Variants in IL17RA observed in about 807,000 individuals in gnomAD.
IL17RA encodes interleukin 17 receptor A.
IL17RA carries 34 observed loss-of-function variants against 50.4 expected under a neutral mutation model. That is an observed-to-expected ratio of 0.67 (90% confidence interval 0.51 to 0.90). The LOEUF (loss-of-function observed/expected upper bound fraction) is 0.90. Ranked by LOEUF, IL17RA falls within the 40% of genes least tolerant of loss-of-function variation. The pLI is 0.00. For missense variants in IL17RA, 1,276 were observed against 1,169.8 expected, an observed-to-expected ratio of 1.09 and a Z score of -1.32; for synonymous variants, 585 against 510.4, an observed-to-expected ratio of 1.15 and a Z score of -1.97.
intron 2 of IL17RA, 45 bp from the exon 3 acceptor site, chr22:17,097,752 G>A (rs1399624122): frequency 1.2e-6 from 2 of 1,612,704 alleles, no homozygotes; most frequent in Admixed American, 1.7e-5. Context: ...GCATCTCAGG[G>A]TCTCGGCTAT....
intron 9 of IL17RA, among the ~76,000 whole-genome samples, chr22:17,105,266 C>T (rs1471206244): frequency 6.6e-6 from 1 of 152,162 alleles, no homozygotes; most frequent in Non-Finnish European, 1.5e-5. Context: ...TGTCCAAGAT[C>T]ACACAGCAGG....
At chr22:17,092,498 T>C (rs1601337291) in intron 1 of IL17RA, among the ~76,000 whole-genome samples, 1 of 152,146 alleles carries the variant, frequency 6.6e-6, no homozygotes, top group East Asian at 1.9e-4. Context: ...GATCTGATGC[T>C]ATCTCCAAAT....
intron 9 of IL17RA, 47 bp downstream of exon 9, chr22:17,104,857 C>T: frequency 6.4e-7 from 1 of 1,567,090 alleles, no homozygotes; most frequent in East Asian, 2.2e-5. Flanking sequence ...GAACAAGTGG[C>T]TGAAGGCCCC....
rs2061433873 is a variant in IL17RA, at chr22:17,109,942, T to C, written c.*122T>C. 3.1e-6 allele frequency: 3 copies of C among 975,406 alleles called. No individual in the cohort carries two copies. The highest frequency in any genetic ancestry group is 1.5e-6 in the Non-Finnish European group (1 of 664,450). 60.4% of individuals were successfully genotyped at this position (975,406 alleles called of 1,614,324 possible). A position where few individuals can be genotyped will look rare whatever the true frequency, so the allele number is the denominator to read the frequency against. On this transcript the variant is annotated 3_prime_UTR_variant, in exon 13 of 13. Transcript: ENST00000319363. ...CGTGTGTGAAATGTAGGCTTTAAAA[T>C]GTAAATGTCTGGATTTTAATCCCAG...
At chr22:17,097,157 A>G in intron 2 of IL17RA, 71 bp downstream of exon 2, 1 of 1,446,278 alleles carries the variant, frequency 6.9e-7, no homozygotes, top group Non-Finnish European at 9.7e-7. Context: ...CCAACTTCTG[A>G]CAGAAGTCTT....
chr22:17,098,922 C>T (rs762016669), intron 4 of IL17RA, 35 bp downstream of exon 4: 5 of 1,505,352 alleles, frequency 3.3e-6, no homozygotes, highest in East Asian at 2.3e-5. Flanking sequence ...TTATGTTCCA[C>T]TGATGACACC....
chr22:17,097,111 T>C, intron 2 of IL17RA, 25 bp downstream of exon 2: 1 of 1,609,230 alleles, frequency 6.2e-7, no homozygotes, highest in Non-Finnish European at 8.5e-7. Flanking sequence ...TCTGTTCTTC[T>C]TCTTGTTGCC....
At chr22:17,098,006 C>CAGGCTCAGGATTGGGCTCCCAGTCCT in intron 3 of IL17RA, 63 bp downstream of exon 3, 2 of 1,602,022 alleles carry the variant, frequency 1.2e-6, no homozygotes, top group South Asian at 2.2e-5. Flanking sequence ...CTCTCCCAGT[C>CAGGCTCAGGATTGGGCTCCCAGTCCT]AGGCTCAGGA....
At chr22:17,087,370 T>G (rs2061331783) in intron 1 of IL17RA, among the ~76,000 whole-genome samples, 1 of 152,182 alleles carries the variant, frequency 6.6e-6, no homozygotes, top group Admixed American at 6.5e-5. Context: ...TCAAAGTAAG[T>G]CCATGCCACC....
Position 17,097,240 on chromosome 22 carries a change from T to C in IL17RA, c.163+154T>C, listed in dbSNP as rs1020860204. On this transcript the variant is annotated intron_variant, in intron 2 of 12. Transcript: ENST00000319363. Reference sequence around the variant, plus strand: ...GGGTTCCCGGAGAATTGTGGATGCGTGCACCTGCGCTTCCTGTCGAGAACA... The same window carrying C: ...GGGTTCCCGGAGAATTGTGGATGCGCGCACCTGCGCTTCCTGTCGAGAACA... The C allele has an allele frequency of 6.8e-6, 5 of 735,094 alleles. No individual in the cohort carries two copies. In the African/African-American group the frequency reaches 6.9e-5, roughly 10 times the overall value. The allele number at this position is 735,094 out of a possible 1,614,324, so 45.5% of individuals were successfully genotyped here. A position where few individuals can be genotyped will look rare whatever the true frequency, so the allele number is the denominator to read the frequency against.
In IL17RA at chr22:17,112,095, A is replaced by G. The variant is rs922115351; in HGVS notation, c.*2275A>G. On this transcript the variant is annotated 3_prime_UTR_variant, in exon 13 of 13. Transcript: ENST00000319363. Reference sequence around the variant, plus strand: ...TTCTGTGACCTTTCCCTAGCTTCCAATAAATAACTGTTTGACGCCCAGAGT... The same window carrying G: ...TTCTGTGACCTTTCCCTAGCTTCCAGTAAATAACTGTTTGACGCCCAGAGT... 3 of 152,208 alleles carry G rather than the reference A, an allele frequency of 2.0e-5. No individual in the cohort carries two copies. Among genetic ancestry groups the G allele is most frequent in the African/African-American group, 2.4e-5 (1 of 41,414 alleles). 9.4% of individuals were successfully genotyped at this position (152,208 alleles called of 1,614,324 possible). A position where few individuals can be genotyped will look rare whatever the true frequency, so the allele number is the denominator to read the frequency against.
intron 9 of IL17RA, 57 bp downstream of exon 9, chr22:17,104,867 C>T: frequency 6.6e-7 from 1 of 1,525,336 alleles, no homozygotes; most frequent in South Asian, 1.1e-5. Context: ...CTGAAGGCCC[C>T]CAGCCTGTGC....
At chr22:17,091,701 T>G (rs1394123924) in intron 1 of IL17RA, among the ~76,000 whole-genome samples, 1 of 152,120 alleles carries the variant, frequency 6.6e-6, no homozygotes, top group African/African-American at 2.4e-5. Flanking sequence ...TCAATGTTAT[T>G]ATGTGTCTTA....
At chr22:17,091,730 AT>A (rs1308282841) in intron 1 of IL17RA, among the ~76,000 whole-genome samples, 1 of 151,614 alleles carries the variant, frequency 6.6e-6, no homozygotes, top group Admixed American at 6.6e-5. Context: ...TATGACACTT[AT>A]TTTTTTCTCT....
In IL17RA at chr22:17,108,963, C is replaced by T; in HGVS notation, c.1744C>T (p.Pro582Ser). 6.2e-7 allele frequency: 1 copy of T among 1,606,930 alleles called. No homozygotes were observed. Among genetic ancestry groups the T allele is most frequent in the Non-Finnish European group, 8.5e-7 (1 of 1,178,874 alleles). The change falls in exon 13 of 13, where the codon CCC (proline) becomes TCC (serine). Residue 582 changes from proline to serine, a missense_variant. Pro to Ser is a moderately conservative substitution (Grantham distance 74). Transcript: ENST00000319363. Reference sequence around the variant, plus strand: ...GTTCCGGGACTGGCAGGTCCGCTGTCCCGACTGGTTCGAATGTGAGAACCT... The same window carrying T: ...GTTCCGGGACTGGCAGGTCCGCTGTTCCGACTGGTTCGAATGTGAGAACCT... ...DRFRDWQVRC[P>S]DWFECENLYS... is the part of the protein sequence containing the mutation.
In IL17RA at chr22:17,109,614, A is replaced by C; in HGVS notation, c.2395A>C (p.Arg799=). The change falls in exon 13 of 13, where the codon AGG becomes CGG. Residue 799 remains arginine (R), a synonymous_variant. Transcript: ENST00000319363. Reference sequence around the variant, plus strand: ...GCAGTCTGACCAGGGCTACATCTCCAGGAGCTCCCCGCAGCCCCCCGAGGG... The same window carrying C: ...GCAGTCTGACCAGGGCTACATCTCCCGGAGCTCCCCGCAGCCCCCCGAGGG... ...SVQSDQGYIS[R]SSPQPPEGLT... is the part of the protein sequence containing the mutation. 6.2e-7 allele frequency: 1 copy of C among 1,606,554 alleles called. No homozygotes were observed. Among genetic ancestry groups the C allele is most frequent in the Non-Finnish European group, 8.5e-7 (1 of 1,176,830 alleles).
At chr22:17,100,731 T>G (rs1343202574) in intron 5 of IL17RA, among the ~76,000 whole-genome samples, 2 of 152,202 alleles carry the variant, frequency 1.3e-5, no homozygotes, top group African/African-American at 4.8e-5. Context: ...AGGAGTTTTA[T>G]GGGAACCAGA....
At chr22:17,104,986 G>A (rs535900967) in intron 9 of IL17RA, among the ~76,000 whole-genome samples, 176 bp downstream of exon 9, 26 of 152,144 alleles carry the variant, frequency 1.7e-4, no homozygotes, top group Non-Finnish European at 3.5e-4. Context: ...ACTCCCTGGG[G>A]CTGGACTCCT....
At position 17,097,107 on chromosome 22, in the gene IL17RA, C is replaced by G. The variant is rs373418844; in HGVS notation, c.163+21C>G. The G allele has an allele frequency of 1.5e-5, 24 of 1,609,628 alleles. No homozygotes were observed. In the African/African-American group the frequency reaches 3.2e-4, roughly 22 times the overall value. On this transcript the variant is annotated intron_variant, in intron 2 of 12. Transcript: ENST00000319363. ...GAATAGTAAGTCATCTTTTTCTGTT[C>G]TTCTTCTTGTTGCCTTCTTAATCAA... is the stretch of plus-strand genomic sequence containing the variant.
Sources: gnomAD v4.1 joint callset for allele counts (sites outside exome capture counted in the v4.1 genomes callset) on GRCh38, gnomAD v4.1.1 for gene constraint, MANE v1.5 for transcripts, NCBI Gene and HGNC (gene_info 2026-07-23, HGNC 2026-07-21) for gene names.